MAGED1: variants seen among roughly 807,000 people sequenced by gnomAD.
The protein encoded by MAGED1 is melanoma-associated antigen D1.
A neutral mutation model predicts 54.1 loss-of-function variants in MAGED1; 3 were observed. The observed-to-expected ratio is 0.06, with a 90% CI of 0.03 to 0.14. The LOEUF (loss-of-function observed/expected upper bound fraction) is 0.14, where lower values mean the gene tolerates loss of function less well. Ranked by LOEUF, MAGED1 falls within the 10% of genes least tolerant of loss-of-function variation. The pLI, the probability that MAGED1 is intolerant of heterozygous loss-of-function variation, is 1.00. For synonymous variants in MAGED1, 217 were observed against 227.3 expected (o/e 0.95, Z 0.41); for missense variants, 485 against 623.4 (o/e 0.78, Z 2.36).
At position 51,862,273 on chromosome X, in the gene MAGED1, C is replaced by T. The variant is rs782017530; in HGVS notation, c.-36-31996C>T. Among the ~76,000 whole-genome samples, 88 of 111,696 alleles carry T rather than the reference C, an allele frequency of 7.9e-4. 1 individual carries two copies. Among genetic ancestry groups the T allele is most frequent in the Non-Finnish European group, 1.3e-3 (71 of 53,121 alleles). The stretch of plus-strand genomic sequence containing the variant: ...ATACTTTGTGAGCTCCATAAGGACA[C>T]ATTTTTATCTATTTTATTTATTTCT... On this transcript the variant is annotated intron_variant, in intron 1 of 12. Transcript: ENST00000375772.
At chrX:51,878,762 A>G (rs941016581) in intron 1 of MAGED1, among the ~76,000 whole-genome samples, 2 of 111,828 alleles carry the variant, frequency 1.8e-5, no homozygotes, top group African/African-American at 6.5e-5. Flanking sequence ...TTATACATAT[A>G]TAAATAAAGA....
chrX:51,896,338 G>A (rs1365257759), intron 3 of MAGED1, 71 bp from the exon 4 acceptor site: 4 of 964,004 alleles, frequency 4.1e-6, no homozygotes, highest in East Asian at 3.1e-5. Flanking sequence ...GGTTTAGAGG[G>A]CATTCCTGGA....
Position 51,896,456 on chromosome X carries a change from G to A in MAGED1, c.801G>A (p.Arg267=), listed in dbSNP as rs781811727. 4 of 1,210,276 alleles carry A rather than the reference G, an allele frequency of 3.3e-6. No homozygotes were observed. The highest frequency in any genetic ancestry group is 4.5e-6 in the Non-Finnish European group (4 of 894,437). Residue 267 remains arginine, a synonymous_variant, in exon 4 of 13, where the codon CGG becomes CGA. Transcript: ENST00000326587. ...AGAACAGCAGTGGGGATCAGAGGCG[G>A]GCCCCACTGGCTGCAGGGACCTGGA... ...VEENSSGDQR[R]APLAAGTWRS...
chrX:51,890,713 C>A (rs1455779188), upstream of MAGED1, among the ~76,000 whole-genome samples: 1 of 109,332 alleles, frequency 9.1e-6, no homozygotes, highest in Non-Finnish European at 1.9e-5. Flanking sequence ...AATATACAAG[C>A]ATATTACAAA....
At chrX:51,873,089 A>C (rs1276946260) in intron 1 of MAGED1, among the ~76,000 whole-genome samples, 3 of 111,362 alleles carry the variant, frequency 2.7e-5, no homozygotes, top group African/African-American at 3.3e-5. Context: ...AAGAGGGTTT[A>C]ATTGACTCAC....
At chrX:51,879,024 C>T (rs149962750) in intron 1 of MAGED1, among the ~76,000 whole-genome samples, 1,334 of 111,596 alleles carry the variant, frequency 0.012, 23 homozygotes, top group African/African-American at 0.04. Context: ...ATTAATACAT[C>T]ATCTTTTTAT....
intron 3 of MAGED1, chrX:51,896,068 C>CT (rs1310621398): frequency 1.9e-5 from 7 of 378,049 alleles, no homozygotes; most frequent in Non-Finnish European, 3.2e-5. Flanking sequence ...AAGGCACCTC[C>CT]TACCAGGTAG....
chrX:51,815,348 C>T (rs1173358322), intron 1 of MAGED1, among the ~76,000 whole-genome samples: 1 of 110,505 alleles, frequency 9.0e-6, no homozygotes, highest in Non-Finnish European at 1.9e-5. Flanking sequence ...GAAGAACTTC[C>T]GGTGGGACAA....
At chrX:51,810,104 G>A (rs1288090674) in intron 1 of MAGED1, among the ~76,000 whole-genome samples, 1 of 110,705 alleles carries the variant, frequency 9.0e-6, no homozygotes, top group African/African-American at 3.3e-5. Flanking sequence ...ATTTTTTAAT[G>A]CTTAAACAGT....
At chrX:51,829,532 T>A (rs183878536) in intron 1 of MAGED1, among the ~76,000 whole-genome samples, 3,987 of 106,181 alleles carry the variant, frequency 0.038, 60 homozygotes, top group Non-Finnish European at 0.052. Flanking sequence ...CTTTAATTTT[T>A]AAAAAAAAAA....
At chrX:51,890,212 T>C (rs1404427539), upstream of MAGED1, among the ~76,000 whole-genome samples, 1 of 112,504 alleles carries the variant, frequency 8.9e-6, no homozygotes, top group Non-Finnish European at 1.9e-5. Flanking sequence ...ACTTCCCTGG[T>C]TGACAGTATT....
At chrX:51,820,932 C>T (rs1569555497) in intron 1 of MAGED1, among the ~76,000 whole-genome samples, 1 of 111,778 alleles carries the variant, frequency 8.9e-6, no homozygotes, top group Non-Finnish European at 1.9e-5. Context: ...TCCCTCTACT[C>T]TCCTCAGCCT....
At chrX:51,888,962 G>C (rs1312719690), upstream of MAGED1, among the ~76,000 whole-genome samples, 1 of 111,899 alleles carries the variant, frequency 8.9e-6, no homozygotes. Context: ...CAGGGGTTAG[G>C]GATGGGGGCG....
At chrX:51,857,067 A>G (rs1468988300) in intron 1 of MAGED1, 1 of 111,449 alleles carries the variant, frequency 9.0e-6, no homozygotes, top group East Asian at 2.8e-4. Context: ...ACCTCAGAGT[A>G]CTCATGATAA....
intron 1 of MAGED1, among the ~76,000 whole-genome samples, chrX:51,830,176 A>G (rs1225336553): frequency 8.9e-6 from 1 of 111,993 alleles, no homozygotes; most frequent in Non-Finnish European, 1.9e-5. Context: ...TGATTGAGAA[A>G]AGTGAGTTAC....
chrX:51,811,119 C>G (rs960291363), intron 1 of MAGED1, among the ~76,000 whole-genome samples: 13 of 111,486 alleles, frequency 1.2e-4, no homozygotes, highest in African/African-American at 2.9e-4. Context: ...TGTTTTAGTT[C>G]ACTGCTTCTT....
At chrX:51,820,802 G>T (rs968966983) in intron 1 of MAGED1, among the ~76,000 whole-genome samples, 1 of 111,276 alleles carries the variant, frequency 9.0e-6, no homozygotes, top group Non-Finnish European at 1.9e-5. Context: ...AATGTATAAC[G>T]CAATATTGTT....
At chrX:51,894,221 C>T (rs1324703014) in intron 1 of MAGED1, 48 bp from the exon 2 acceptor site, 4 of 743,775 alleles carry the variant, frequency 5.4e-6, no homozygotes, top group Non-Finnish European at 8.2e-6. Context: ...CCAATTAGGT[C>T]CTTCGTATTT....
In MAGED1 at chrX:51,896,748, C is replaced by A; in HGVS notation, c.1093C>A (p.Pro365Thr). The A allele has an allele frequency of 8.3e-7, 1 of 1,211,923 alleles. No individual in the cohort carries two copies. Residue 365 changes from proline to threonine, a missense_variant, in exon 4 of 13, where the codon CCT (proline) becomes ACT (threonine). Around this residue, in one of 2 missense-constraint regions of MAGED1, gnomAD observed 299 missense variants for 293.1 expected, o/e 1.02. Coordinates refer to ENST00000326587, the MANE Select transcript of MAGED1 (RefSeq NM_006986.4). Reference sequence around the variant, plus strand: ...GCCAAACCCCATTGTCTGGCCCGGCCCTGTTGTCTGGCCGAATCCACTGGC... The same window carrying A: ...GCCAAACCCCATTGTCTGGCCCGGCACTGTTGTCTGGCCGAATCCACTGGC... The part of the protein sequence containing the change: ...IWPNPIVWPG[P>T]VVWPNPLAWQ...
Sources: allele counts gnomAD v4.1 joint callset (sites outside exome capture counted in the v4.1 genomes callset), GRCh38; gene constraint gnomAD v4.1.1; regional missense constraint gnomAD v4.1.1; transcripts MANE v1.5; gene names NCBI Gene and HGNC (gene_info 2026-07-23, HGNC 2026-07-21).